The following CATSPER3 variants were observed in gnomAD, a reference collection of about 807,000 sequenced individuals.
CATSPER3 encodes cation channel sperm-associated protein 3.
In CATSPER3, 23 loss-of-function variants were observed where a neutral mutation model predicts 36.6. The observed-to-expected ratio is 0.63, with a 90% CI of 0.45 to 0.89. CATSPER3 has a LOEUF of 0.89. Ranked by LOEUF, CATSPER3 falls within the 40% of genes least tolerant of loss-of-function variation. The pLI, the probability that CATSPER3 is intolerant of heterozygous loss-of-function variation, is 0.00. For missense variants in CATSPER3, 474 were observed against 503.9 expected (o/e 0.94, Z 0.57); for synonymous variants, 172 against 184.1 (o/e 0.93, Z 0.53).
intron 2 of CATSPER3, among the ~76,000 whole-genome samples, chr5:134,990,275 G>A (rs1042849037): frequency 4.6e-5 from 7 of 152,266 alleles, no homozygotes; most frequent in East Asian, 3.9e-4. Context: ...TCAGGCAGAC[G>A]TGAGACATCA....
chr5:134,987,317 A>G (rs372419300), intron 2 of CATSPER3, among the ~76,000 whole-genome samples: 18 of 152,316 alleles, frequency 1.2e-4, no homozygotes, highest in African/African-American at 4.3e-4. Context: ...ATCAGAACAG[A>G]TAACAAAAGG....
rs769384145 is a variant in CATSPER3, at chr5:135,006,865, A to G, written c.493-1092A>G. Among the ~76,000 whole-genome samples the G allele has an allele frequency of 8.3e-4, 125 of 151,438 alleles. 1 individual carries two copies. The highest frequency in any genetic ancestry group is 1.5e-3 in the Non-Finnish European group (102 of 67,908). On this transcript the variant is annotated intron_variant, in intron 3 of 7. Coordinates refer to ENST00000282611, the MANE Select transcript of CATSPER3 (RefSeq NM_178019.3). The stretch of plus-strand genomic sequence containing the variant: ...AAAAAAAAAAATAATAATAATAATA[A>G]TAATAAAATCTCAGCTGTTTTGCAA...
intron 2 of CATSPER3, among the ~76,000 whole-genome samples, chr5:134,985,961 A>C (rs1751803208): frequency 6.6e-6 from 1 of 152,016 alleles, no homozygotes; most frequent in East Asian, 1.9e-4. Context: ...AAAAATTTAA[A>C]AAGAAACACA....
chr5:134,973,116 T>C (rs549525473), intron 2 of CATSPER3, among the ~76,000 whole-genome samples: 6 of 152,310 alleles, frequency 3.9e-5, no homozygotes, highest in African/African-American at 1.4e-4. Flanking sequence ...CCAAGAGCCC[T>C]TCCTTAGTAA....
chr5:135,003,371 G>T (rs1205205344), intron 3 of CATSPER3, among the ~76,000 whole-genome samples: 1 of 152,196 alleles, frequency 6.6e-6, no homozygotes, highest in East Asian at 1.9e-4. Context: ...CTACTTGGGG[G>T]TGCTTCCCAG....
chr5:134,970,064 T>A lies in CATSPER3; in HGVS notation c.224T>A (p.Ile75Lys). Residue 75 changes from isoleucine (I) to lysine (K), a missense_variant, in exon 2 of 8, where the codon ATA becomes AAA. Ile to Lys is a moderately radical substitution (Grantham distance 102). Transcript: ENST00000282611. ...FFMALWTSYDIRYRLFRLLEF... is the reference protein window; with the variant it reads ...FFMALWTSYDKRYRLFRLLEF... ...ATGGCCTTGTGGACCAGTTATGACA[T>A]AAGGTACCGCTTGTTCAGACTTCTT... 6.2e-7 allele frequency: 1 copy of A among 1,614,120 alleles called. No individual in the cohort carries two copies.
intron 3 of CATSPER3, among the ~76,000 whole-genome samples, chr5:135,005,262 G>C (rs927828586): frequency 6.6e-6 from 1 of 152,182 alleles, no homozygotes; most frequent in Admixed American, 6.5e-5. Flanking sequence ...CGGCCTGCTT[G>C]GGGACTGCTC....
chr5:134,980,884 G>A (rs1751741951), intron 2 of CATSPER3, among the ~76,000 whole-genome samples: 1 of 152,000 alleles, frequency 6.6e-6, no homozygotes, highest in Non-Finnish European at 1.5e-5. Context: ...ACACCACCAT[G>A]TCCAGGTAAT....
intron 2 of CATSPER3, among the ~76,000 whole-genome samples, chr5:134,978,351 T>C (rs1751703495): frequency 1.3e-5 from 2 of 152,218 alleles, no homozygotes; most frequent in African/African-American, 2.4e-5. Flanking sequence ...GTGATGAATA[T>C]GCTGATTACC....
At chr5:134,976,032 A>G (rs1037333837) in intron 2 of CATSPER3, among the ~76,000 whole-genome samples, 1 of 152,256 alleles carries the variant, frequency 6.6e-6, no homozygotes, top group African/African-American at 2.4e-5. Flanking sequence ...CAGAAGAACA[A>G]ATACTACATG....
chr5:134,972,580 T>G (rs1274938134), intron 2 of CATSPER3, among the ~76,000 whole-genome samples: 2 of 152,110 alleles, frequency 1.3e-5, no homozygotes, highest in African/African-American at 4.8e-5. Flanking sequence ...GGAAATTTTT[T>G]AAATCAATAA....
chr5:134,985,087 G>A (rs1274297433), intron 2 of CATSPER3, among the ~76,000 whole-genome samples: 3 of 152,162 alleles, frequency 2.0e-5, no homozygotes, highest in Non-Finnish European at 4.4e-5. Context: ...CCAAAGTGCT[G>A]GGATTACAGT....
At chr5:134,997,440 G>A (rs1457032327) in intron 3 of CATSPER3, among the ~76,000 whole-genome samples, 3 of 152,132 alleles carry the variant, frequency 2.0e-5, no homozygotes, top group Admixed American at 6.5e-5. Flanking sequence ...TCTTCATGGC[G>A]AACCTTCTGG....
chr5:135,005,172 G>A (rs749874994), intron 3 of CATSPER3, among the ~76,000 whole-genome samples: 20 of 152,220 alleles, frequency 1.3e-4, no homozygotes, highest in Non-Finnish European at 2.4e-4. Flanking sequence ...CTGGCTTAGT[G>A]CACCGTCTTG....
At chr5:135,001,156 T>G (rs1217156164) in intron 3 of CATSPER3, among the ~76,000 whole-genome samples, 1 of 152,230 alleles carries the variant, frequency 6.6e-6, no homozygotes, top group East Asian at 1.9e-4. Context: ...AAGAACATCT[T>G]TATTTCTGCA....
intron 3 of CATSPER3, among the ~76,000 whole-genome samples, chr5:134,999,391 G>A (rs1047621006): frequency 1.3e-5 from 2 of 152,120 alleles, no homozygotes; most frequent in African/African-American, 2.4e-5. Context: ...TGGCAATGCG[G>A]GCTCTTTTTT....
chr5:135,006,755 A>G (rs916082064), intron 3 of CATSPER3, among the ~76,000 whole-genome samples: 2 of 150,232 alleles, frequency 1.3e-5, no homozygotes, highest in South Asian at 2.1e-4. Flanking sequence ...GGAGAATGGC[A>G]TGAACCCGGG....
At position 134,995,804 on chromosome 5, in the gene CATSPER3, A is replaced by G. The variant is rs184590537; in HGVS notation, c.253-469A>G. 176 of 216,104 alleles carry G rather than the reference A, an allele frequency of 8.1e-4. 1 individual carries two copies. The highest frequency in any genetic ancestry group is 1.9e-3 in the Admixed American group (36 of 19,376). 13.4% of individuals were successfully genotyped at this position (216,104 alleles called of 1,614,324 possible). A position where few individuals can be genotyped will look rare whatever the true frequency, so the allele number is the denominator to read the frequency against. ...GATGCATGAAAAGAATTTGAAGAAGATTCGTTCATAAAGTGTAAAAGAATA... is the reference window on the plus strand; with the variant it reads ...GATGCATGAAAAGAATTTGAAGAAGGTTCGTTCATAAAGTGTAAAAGAATA... On this transcript the variant is annotated intron_variant, in intron 2 of 7. Coordinates refer to ENST00000282611, the MANE Select transcript of CATSPER3 (RefSeq NM_178019.3).
At chr5:135,002,757 C>T (rs1321331033) in intron 3 of CATSPER3, among the ~76,000 whole-genome samples, 4 of 152,208 alleles carry the variant, frequency 2.6e-5, no homozygotes, top group African/African-American at 9.6e-5. Flanking sequence ...GCTACTGAAG[C>T]TTGTGCATGC....
Sources: allele counts gnomAD v4.1 joint callset (sites outside exome capture counted in the v4.1 genomes callset), GRCh38; gene constraint gnomAD v4.1.1; transcripts MANE v1.5; gene names NCBI Gene and HGNC (gene_info 2026-07-23, HGNC 2026-07-21).